The following CIRSR variants were observed in gnomAD, a reference collection of about 807,000 sequenced individuals.
CIRSR encodes corepressor of RBPJ and splicing regulator.
At chr2:174,390,159 CCA>C in the CIRSR span, among the ~76,000 whole-genome samples, 1 of 152,186 alleles carries the variant, frequency 6.6e-6, no homozygotes, top group African/African-American at 2.4e-5. Flanking sequence ...CCTGGAAAAG[CCA>C]CAGACACTCA....
the CIRSR span, among the ~76,000 whole-genome samples, chr2:174,354,554 T>TATATATCATATA: frequency 4.3e-5 from 1 of 23,496 alleles, no homozygotes; most frequent in Non-Finnish European, 1.1e-4. Flanking sequence ...TATTATATTA[T>TATATATCATATA]ATATATTTTA....
the CIRSR span, among the ~76,000 whole-genome samples, chr2:174,361,549 A>G: frequency 1.3e-4 from 20 of 152,230 alleles, no homozygotes; most frequent in Middle Eastern, 3.2e-3. Context: ...ATGGAGGAGA[A>G]GCATGTGCAG....
the CIRSR span, chr2:174,348,796 G>A: frequency 1.7e-5 from 27 of 1,614,148 alleles, no homozygotes; most frequent in Non-Finnish European, 2.3e-5. Context: ...GAATCAGAAT[G>A]GCTCCATTTG....
the CIRSR span, among the ~76,000 whole-genome samples, chr2:174,388,766 C>T: frequency 3.1e-3 from 471 of 152,138 alleles, 1 homozygote; most frequent in Non-Finnish European, 5.3e-3. Flanking sequence ...TTGGCTGTGT[C>T]CCCACACAAA....
chr2:174,381,761 C>T, the CIRSR span: 5 of 1,593,548 alleles, frequency 3.1e-6, no homozygotes, highest in Non-Finnish European at 4.3e-6. Flanking sequence ...TTTACACGTT[C>T]ATCTCCCATA....
At chr2:174,377,860 A>C in the CIRSR span, among the ~76,000 whole-genome samples, 2 of 148,616 alleles carry the variant, frequency 1.3e-5, no homozygotes, top group African/African-American at 4.9e-5. Context: ...AAACTTATTC[A>C]TCAAATTCCT....
the CIRSR span, among the ~76,000 whole-genome samples, chr2:174,355,459 T>C: frequency 6.6e-6 from 1 of 152,216 alleles, no homozygotes; most frequent in African/African-American, 2.4e-5. Context: ...TGAAAACCAA[T>C]GTTCCCACTT....
At chr2:174,354,574 T>TA in the CIRSR span, among the ~76,000 whole-genome samples, 2 of 15,682 alleles carry the variant, frequency 1.3e-4, no homozygotes, top group South Asian at 0.011. Flanking sequence ...ATATATTATA[T>TA]TATATATTAT....
At chr2:174,348,995 TTTA>T in the CIRSR span, 4 of 1,597,254 alleles carry the variant, frequency 2.5e-6, no homozygotes, top group Admixed American at 5.3e-5. Context: ...TTTTTTTTTC[TTTA>T]TTGTTACTCT....
the CIRSR span, among the ~76,000 whole-genome samples, chr2:174,361,323 C>T: frequency 6.6e-6 from 1 of 152,214 alleles, no homozygotes; most frequent in Admixed American, 6.5e-5. Flanking sequence ...TTCACCTCTC[C>T]AAGGAGTTGC....
the CIRSR span, among the ~76,000 whole-genome samples, chr2:174,362,977 T>C: frequency 2.6e-5 from 4 of 152,108 alleles, no homozygotes; most frequent in African/African-American, 4.8e-5. Flanking sequence ...CAGGTTCTCA[T>C]TGTGAAGACC....
At chr2:174,372,236 T>G in the CIRSR span, among the ~76,000 whole-genome samples, 1 of 152,200 alleles carries the variant, frequency 6.6e-6, no homozygotes, top group African/African-American at 2.4e-5. Flanking sequence ...CAATGTTAAT[T>G]TAAAAAACTT....
the CIRSR span, among the ~76,000 whole-genome samples, chr2:174,376,596 G>C: frequency 1.3e-5 from 2 of 151,630 alleles, no homozygotes; most frequent in East Asian, 3.9e-4. Flanking sequence ...AGGAGATCAA[G>C]ACCATCCTGG....
the CIRSR span, among the ~76,000 whole-genome samples, chr2:174,376,122 A>G: frequency 2.6e-5 from 4 of 152,180 alleles, no homozygotes. Context: ...TGGGCTTTCA[A>G]CGTGCTGGGA....
the CIRSR span, among the ~76,000 whole-genome samples, chr2:174,382,057 T>C: frequency 6.6e-6 from 1 of 152,330 alleles, no homozygotes; most frequent in African/African-American, 2.4e-5. Context: ...TCATTTTTCT[T>C]ACAGGATTTT....
the CIRSR span, among the ~76,000 whole-genome samples, chr2:174,393,103 G>C: frequency 6.6e-6 from 1 of 152,198 alleles, no homozygotes; most frequent in Non-Finnish European, 1.5e-5. Flanking sequence ...AACTAGAAGA[G>C]AGTAGTTATT....
the CIRSR span, among the ~76,000 whole-genome samples, chr2:174,360,622 G>A: frequency 1.2e-4 from 18 of 152,296 alleles, no homozygotes; most frequent in African/African-American, 4.3e-4. Context: ...ATGTAAAAGA[G>A]AGTTATGACT....
At chr2:174,373,489 T>G in the CIRSR span, among the ~76,000 whole-genome samples, 8 of 152,218 alleles carry the variant, frequency 5.3e-5, no homozygotes, top group Non-Finnish European at 1.2e-4. Flanking sequence ...TTGAAAAGCC[T>G]AAATTTTAAG....
At chr2:174,367,752 AAAAAAAAAAAAAAGACTATTTGAGTAGAT>A in the CIRSR span, among the ~76,000 whole-genome samples, 713 of 150,586 alleles carry the variant, frequency 4.7e-3, 6 homozygotes, top group African/African-American at 0.017. Flanking sequence ...TCTTAAAAAA[AAAAAAAAAAAAAAGACTATTTGAGTAGAT>A]AAAAAAAAAA....
Sources: allele counts gnomAD v4.1 joint callset (sites outside exome capture counted in the v4.1 genomes callset), GRCh38; gene constraint gnomAD v4.1.1; transcripts MANE v1.5; gene names NCBI Gene and HGNC (gene_info 2026-07-23, HGNC 2026-07-21).